The following MXRA7 variants were observed in gnomAD, a reference collection of about 807,000 sequenced individuals.
MXRA7 encodes the protein matrix-remodeling-associated protein 7.
In MXRA7, 18 loss-of-function variants were observed where a neutral mutation model predicts 17.4. The ratio of observed to expected loss-of-function variants is 1.03; its 90% CI spans 0.71 to 1.53. The LOEUF (loss-of-function observed/expected upper bound fraction) is 1.53, where lower values mean the gene tolerates loss of function less well. MXRA7 is among the 40% of genes most tolerant of loss of function. The pLI, the probability that MXRA7 is intolerant of heterozygous loss-of-function variation, is 0.00. For synonymous variants in MXRA7, 70 were observed against 101.7 expected, an observed-to-expected ratio of 0.69 and a Z score of 1.87; for missense variants, 141 against 209.3, an observed-to-expected ratio of 0.67 and a Z score of 2.01.
chr17:76,687,914 T>G (rs4789343), intron 2 of MXRA7, among the ~76,000 whole-genome samples, 199 bp downstream of exon 2: 150,933 of 152,250 alleles, frequency 0.99, 74,825 homozygotes, highest in Middle Eastern at 1. Context: ...CAAAGTGCAA[T>G]GGGGGTGAGG....
chr17:76,673,361 G>T (rs1294426402), exon 4 of MXRA7: 1 of 152,280 alleles, frequency 6.6e-6, no homozygotes, highest in Non-Finnish European at 1.5e-5. Flanking sequence ...TCCCACATAG[G>T]ATACTGGGGC....
chr17:76,678,087 AAGT>A (rs2076256129), downstream of MXRA7, among the ~76,000 whole-genome samples: 1 of 152,144 alleles, frequency 6.6e-6, no homozygotes, highest in South Asian at 2.1e-4. Context: ...TGCTATGAAG[AAGT>A]AGGTTAGAAA....
chr17:76,688,379 A>G, intron 1 of MXRA7: 1 of 1,433,772 alleles, frequency 7.0e-7, no homozygotes, highest in Non-Finnish European at 9.1e-7. Flanking sequence ...CGGCTCACAA[A>G]TGCTGAGCTG....
intron 1 of MXRA7, among the ~76,000 whole-genome samples, chr17:76,706,112 A>G (rs1298916569): frequency 6.6e-6 from 1 of 151,692 alleles, no homozygotes. Flanking sequence ...CTGCCATCAC[A>G]AAGGCCCACG....
intron 1 of MXRA7, among the ~76,000 whole-genome samples, chr17:76,694,546 T>C (rs2076512051): frequency 6.6e-6 from 1 of 152,162 alleles, no homozygotes; most frequent in Admixed American, 6.5e-5. Context: ...CTTGTTAGGC[T>C]TTTAAAGAAT....
chr17:76,701,018 T>C (rs1598357456), intron 1 of MXRA7, among the ~76,000 whole-genome samples: 1 of 151,364 alleles, frequency 6.6e-6, no homozygotes, highest in Non-Finnish European at 1.5e-5. Flanking sequence ...AGATGCCGAG[T>C]AGGCAGGGTG....
At chr17:76,676,096 C>T (rs772136329), downstream of MXRA7, 6 of 152,222 alleles carry the variant, frequency 3.9e-5, no homozygotes, top group Non-Finnish European at 8.8e-5. Flanking sequence ...TTATCCCCAT[C>T]ATTGTATGTT....
At chr17:76,682,430 C>T (rs1002778563) in intron 3 of MXRA7, among the ~76,000 whole-genome samples, 3 of 152,132 alleles carry the variant, frequency 2.0e-5, no homozygotes, top group Non-Finnish European at 4.4e-5. Flanking sequence ...TTGATAACAA[C>T]AGGCATGTTA....
intron 2 of MXRA7, among the ~76,000 whole-genome samples, chr17:76,685,656 G>T (rs1024934698): frequency 3.3e-5 from 5 of 152,234 alleles, no homozygotes; most frequent in Non-Finnish European, 5.9e-5. Context: ...GCTGCAGCAG[G>T]TTTGACGTGT....
downstream of MXRA7, among the ~76,000 whole-genome samples, chr17:76,678,278 A>T (rs1345058054): frequency 6.6e-6 from 1 of 152,152 alleles, no homozygotes; most frequent in African/African-American, 2.4e-5. Context: ...TGCACAAGAT[A>T]CCCTATGGCA....
intron 1 of MXRA7, among the ~76,000 whole-genome samples, chr17:76,695,415 G>A (rs967222973): frequency 2.6e-5 from 4 of 151,662 alleles, no homozygotes; most frequent in South Asian, 2.1e-4. Flanking sequence ...AACCTTGTGC[G>A]AAATACCAGA....
chr17:76,707,199 T>C (rs562333131), intron 1 of MXRA7, among the ~76,000 whole-genome samples: 1 of 152,222 alleles, frequency 6.6e-6, no homozygotes, highest in South Asian at 2.1e-4. Flanking sequence ...TTATTTGTCA[T>C]ATTGCTTTAA....
At chr17:76,697,752 G>C in intron 1 of MXRA7, among the ~76,000 whole-genome samples, 2 of 152,340 alleles carry the variant, frequency 1.3e-5, no homozygotes, top group South Asian at 4.1e-4. Context: ...AGGCCAAGCT[G>C]AGGGGCCCGG....
chr17:76,691,999 G>T (rs142533119), intron 1 of MXRA7, among the ~76,000 whole-genome samples: 76 of 152,266 alleles, frequency 5.0e-4, no homozygotes, highest in African/African-American at 1.8e-3. Flanking sequence ...TATCCCCAAA[G>T]GACCCAGTAT....
intron 1 of MXRA7, among the ~76,000 whole-genome samples, chr17:76,705,065 T>C (rs900999539): frequency 2.0e-5 from 3 of 152,218 alleles, no homozygotes; most frequent in African/African-American, 7.2e-5. Flanking sequence ...GGAAACTGTC[T>C]GCATGCTCAC....
At chr17:76,705,233 G>T (rs1170843309) in intron 1 of MXRA7, among the ~76,000 whole-genome samples, 3 of 152,130 alleles carry the variant, frequency 2.0e-5, no homozygotes, top group Admixed American at 6.5e-5. Flanking sequence ...TATTAGGAAA[G>T]CCCCTGGACT....
At chr17:76,694,306 G>A (rs895555708) in intron 1 of MXRA7, among the ~76,000 whole-genome samples, 12 of 152,092 alleles carry the variant, frequency 7.9e-5, no homozygotes, top group African/African-American at 7.2e-5. Flanking sequence ...GGACCACGGT[G>A]TCCGCCATCC....
rs760615448 is a variant in MXRA7 at position 76,683,874 on chromosome 17, C to T, written c.500+1198G>A. 4.3e-6 allele frequency: 7 copies of T among 1,613,994 alleles called. No individual in the cohort carries two copies. In the African/African-American group the frequency reaches 9.3e-5, roughly 22 times the overall value. Reference sequence around the variant, plus strand: ...AAAGGATTTGCAAGAATATTTGTGGCTCAGGACCTAAGGAACTTGCTACAG... The same window carrying T: ...AAAGGATTTGCAAGAATATTTGTGGTTCAGGACCTAAGGAACTTGCTACAG... On this transcript the variant is annotated intron_variant, in intron 3 of 3. Transcript: ENST00000449428.
intron 2 of MXRA7, among the ~76,000 whole-genome samples, chr17:76,686,140 G>T (rs1045752081): frequency 3.3e-5 from 5 of 152,176 alleles, no homozygotes; most frequent in Non-Finnish European, 7.3e-5. Context: ...GGAGGCGGGG[G>T]GGCTCTCAGG....
Sources: allele counts gnomAD v4.1 joint callset (sites outside exome capture counted in the v4.1 genomes callset), GRCh38; gene constraint gnomAD v4.1.1; transcripts MANE v1.5; gene names NCBI Gene and HGNC (gene_info 2026-07-23, HGNC 2026-07-21).